FNDC1: variants seen among roughly 807,000 people sequenced by gnomAD.
The protein encoded by FNDC1 is fibronectin type III domain containing 1, also known as fibronectin type III domain-containing protein 1.
FNDC1 carries 96 observed loss-of-function variants against 168.0 expected under a neutral mutation model. The ratio of observed to expected loss-of-function variants is 0.57; its 90% CI spans 0.48 to 0.68. The LOEUF (loss-of-function observed/expected upper bound fraction) is 0.68, where lower values mean the gene tolerates loss of function less well. Ranked by LOEUF, FNDC1 falls within the 30% of genes least tolerant of loss-of-function variation. The probability of loss-of-function intolerance (pLI) is 0.00; values close to 1 mark genes in which losing one functional copy is unlikely to be tolerated. For synonymous variants in FNDC1, 1,099 were observed against 1,025.9 expected (o/e 1.07, Z -1.36); for missense variants, 2,587 against 2,482.1 (o/e 1.04, Z -0.90).
At position 159,232,907 on chromosome 6, in the gene FNDC1, A is replaced by C; in HGVS notation, c.2395A>C (p.Arg799=). The C allele has an allele frequency of 1.2e-6, 2 of 1,612,120 alleles. No homozygotes were observed. The highest frequency in any genetic ancestry group is 1.7e-6 in the Non-Finnish European group (2 of 1,179,754). Residue 799 remains arginine (R), a synonymous_variant, in exon 11 of 23, where the codon AGG becomes CGG. Coordinates refer to ENST00000297267, the MANE Select transcript of FNDC1 (RefSeq NM_032532.3). This position sits in a 1 kb window ranked among gnomAD's most constrained non-coding sequence, Gnocchi z 4.9. ...HGDGDREDGG[R]QAEATAQTLR... ...TGACGGCGATAGGGAAGACGGCGGAAGGCAGGCGGAGGCCACGGCCCAGAC... is the reference window on the plus strand; with the variant it reads ...TGACGGCGATAGGGAAGACGGCGGACGGCAGGCGGAGGCCACGGCCCAGAC...
intron 16 of FNDC1, 50 bp downstream of exon 16, chr6:159,249,232 C>T: frequency 6.5e-7 from 1 of 1,543,032 alleles, no homozygotes; most frequent in Non-Finnish European, 8.8e-7. Context: ...AACTTGTGGT[C>T]TTTGAAGAAA....
At chr6:159,192,080 C>A (rs987685587) in intron 1 of FNDC1, among the ~76,000 whole-genome samples, 1 of 152,086 alleles carries the variant, frequency 6.6e-6, no homozygotes, top group African/African-American at 2.4e-5. Flanking sequence ...GTTTCACCAT[C>A]TTGCTCAGAC....
intron 18 of FNDC1, among the ~76,000 whole-genome samples, chr6:159,257,662 A>C (rs1429666365): frequency 6.6e-6 from 1 of 152,202 alleles, no homozygotes. Flanking sequence ...TGGGCACCGA[A>C]AGGCTACTGA....
intron 22 of FNDC1, among the ~76,000 whole-genome samples, chr6:159,269,523 C>T (rs404535): frequency 0.015 from 423 of 27,296 alleles, 5 homozygotes; most frequent in South Asian, 0.084. Flanking sequence ...TGCATCCATC[C>T]ATCCATCCAT....
rs768286329 is a variant in FNDC1, at chr6:159,200,531, T to C, written c.410T>C (p.Ile137Thr). ...AATTTAGGAGGTGAATGGATCGAGA[T>C]TGATGGTTTTCCCATTAAGGGTCCA... Reference protein sequence around the residue: ...ESPPGGEWIEIDGFPIKGPGP... With the variant: ...ESPPGGEWIETDGFPIKGPGP... Residue 137 changes from isoleucine to threonine, a missense_variant, in exon 4 of 23, where the codon ATT (isoleucine) becomes ACT (threonine). Ile to Thr is a moderately conservative substitution (Grantham distance 89). Transcript: ENST00000297267. The C allele has an allele frequency of 8.1e-6, 13 of 1,600,272 alleles. No individual in the cohort carries two copies. The highest frequency in any genetic ancestry group is 3.4e-5 in the Admixed American group (2 of 58,340).
At chr6:159,210,322 A>G (rs967746855) in intron 4 of FNDC1, among the ~76,000 whole-genome samples, 1 of 152,144 alleles carries the variant, frequency 6.6e-6, no homozygotes, top group African/African-American at 2.4e-5. Context: ...ATGGGGTGCG[A>G]ATTCTGGCTT....
intron 4 of FNDC1, among the ~76,000 whole-genome samples, chr6:159,213,501 C>A (rs1458886044): frequency 6.6e-6 from 1 of 152,120 alleles, no homozygotes; most frequent in Non-Finnish European, 1.5e-5. Context: ...CCCCAGGGCC[C>A]AGCAGGGACA....
Position 159,197,471 on chromosome 6 carries a change from C to T in FNDC1, c.150C>T (p.Ser50=), listed in dbSNP as rs1159337799. The part of the protein sequence containing the change: ...PLKPRHVKLL[S]TKMGLKVTWD... ...AGCCAAGGCATGTGAAACTGCTGTC[C>T]ACTAAAATGGGCCTGAAAGTCACGT... The change falls in exon 2 of 23, where the codon TCC becomes TCT. Residue 50 remains serine, a synonymous_variant. Transcript: ENST00000297267. 6.8e-6 allele frequency: 11 copies of T among 1,613,646 alleles called. No homozygotes were observed. The highest frequency in any genetic ancestry group is 9.3e-6 in the Non-Finnish European group (11 of 1,179,736).
At chr6:159,213,776 T>C (rs959559449) in intron 4 of FNDC1, among the ~76,000 whole-genome samples, 7 of 152,196 alleles carry the variant, frequency 4.6e-5, no homozygotes, top group African/African-American at 1.7e-4. Flanking sequence ...ACCATGGTGT[T>C]CTCTTAGTAG....
At chr6:159,248,955 T>A in intron 15 of FNDC1, 84 bp from the exon 16 acceptor site, 1 of 1,346,148 alleles carries the variant, frequency 7.4e-7, no homozygotes, top group Non-Finnish European at 1.0e-6. Flanking sequence ...CAGCCTACAG[T>A]TGAATGTAAG....
chr6:159,217,022 G>C (rs1218296454), intron 5 of FNDC1, among the ~76,000 whole-genome samples: 1 of 152,222 alleles, frequency 6.6e-6, no homozygotes, highest in Non-Finnish European at 1.5e-5. Flanking sequence ...TGTGGAGGCT[G>C]GAGGTGGGAG....
At chr6:159,209,807 C>A (rs77839876) in intron 4 of FNDC1, among the ~76,000 whole-genome samples, 1 of 152,140 alleles carries the variant, frequency 6.6e-6, no homozygotes, top group Non-Finnish European at 1.5e-5. Context: ...CTTTTTCATC[C>A]TTTTTTTCCT....
chr6:159,226,596 C>A lies in FNDC1; in HGVS notation c.1180+16C>A, dbSNP rs752866009. On this transcript the variant is annotated intron_variant, in intron 9 of 22. Transcript: ENST00000297267. The stretch of plus-strand genomic sequence containing the variant: ...AAAGTGAAAGGTAGGAATCTCACTC[C>A]CTAAACTGTAAGATGCATTGATTCT... 13 of 1,565,604 alleles carry A rather than the reference C, an allele frequency of 8.3e-6. No individual in the cohort carries two copies. Among genetic ancestry groups the A allele is most frequent in the Non-Finnish European group, 1.1e-5 (13 of 1,147,244 alleles).
chr6:159,234,365 G>A lies in FNDC1; in HGVS notation c.3853G>A (p.Ala1285Thr), dbSNP rs1783198411. The change falls in exon 11 of 23, where the codon GCC becomes ACC. Residue 1285 changes from alanine to threonine, a missense_variant. Transcript: ENST00000297267. ...CCCCTGGCCGCAGTACACCACGCGC[G>A]CCCCACCTGGCCACTTCTCCACCAC... ...THPWPQYTTR[A>T]PPGHFSTTPM... 3 of 1,612,230 alleles carry A rather than the reference G, an allele frequency of 1.9e-6. No individual in the cohort carries two copies. Among genetic ancestry groups the A allele is most frequent in the Non-Finnish European group, 1.7e-6 (2 of 1,179,258 alleles).
chr6:159,217,246 A>G (rs499865), intron 5 of FNDC1, among the ~76,000 whole-genome samples: 21,120 of 152,166 alleles, frequency 0.14, 1,718 homozygotes, highest in East Asian at 0.37. Flanking sequence ...CTGCACAGAG[A>G]GAAACAGGGG....
intron 22 of FNDC1, among the ~76,000 whole-genome samples, chr6:159,268,974 C>T (rs1178208091): frequency 2.8e-5 from 4 of 145,196 alleles, no homozygotes; most frequent in African/African-American, 7.7e-5. Flanking sequence ...ATCTATCCAC[C>T]TATCCATGTA....
chr6:159,216,891 A>G (rs981409981), intron 5 of FNDC1, among the ~76,000 whole-genome samples: 2 of 152,244 alleles, frequency 1.3e-5, no homozygotes, highest in African/African-American at 4.8e-5. Context: ...AGAAGACTCC[A>G]GTAAGATCCA....
Position 159,181,854 on chromosome 6 carries a change from A to C in FNDC1, c.109+12149A>C, listed in dbSNP as rs528261205. 4.6e-5 allele frequency among the ~76,000 whole-genome samples: 7 copies of C among 152,174 alleles called. No homozygotes were observed. In the South Asian group the frequency reaches 8.3e-4, roughly 18 times the overall value. ...AGTCTTGTTCTACCACAGACAGTCC[A>C]TGGGCCGTGGATCTGACAGCCTTTG... On this transcript the variant is annotated intron_variant, in intron 1 of 22. Coordinates refer to ENST00000297267, the MANE Select transcript of FNDC1 (RefSeq NM_032532.3).
At chr6:159,215,670 A>G in intron 5 of FNDC1, among the ~76,000 whole-genome samples, 1 of 152,202 alleles carries the variant, frequency 6.6e-6, no homozygotes, top group East Asian at 1.9e-4. Context: ...GTCCCACAAT[A>G]GGCCATCTGC....
Sources: gnomAD v4.1 joint callset for allele counts (sites outside exome capture counted in the v4.1 genomes callset) on GRCh38, gnomAD v4.1.1 for gene constraint, Gnocchi (gnomAD v3.1) non-coding constraint, MANE v1.5 for transcripts, NCBI Gene and HGNC (gene_info 2026-07-23, HGNC 2026-07-21) for gene names.